Variants in AGBL4 observed in about 807,000 individuals in gnomAD.
AGBL4 encodes AGBL carboxypeptidase 4.
Under a neutral mutation model 66.4 loss-of-function variants are expected in AGBL4, and 58 were observed. The ratio of observed to expected loss-of-function variants is 0.87; its 90% CI spans 0.71 to 1.09. The LOEUF (loss-of-function observed/expected upper bound fraction) is 1.09, where lower values mean the gene tolerates loss of function less well. Among genes scored for constraint, AGBL4 ranks in the 50% least tolerant of loss-of-function variants. The pLI is 0.00. For missense variants in AGBL4, 579 were observed against 631.0 expected (o/e 0.92, Z 0.88); for synonymous variants, 234 against 222.9 (o/e 1.05, Z -0.44).
At chr1:49,739,502 C>A (rs1165987121) in intron 2 of AGBL4, among the ~76,000 whole-genome samples, 1 of 152,180 alleles carries the variant, frequency 6.6e-6, no homozygotes, top group African/African-American at 2.4e-5. Flanking sequence ...TCCAGGAGAA[C>A]TTCCCCAATC....
chr1:48,693,113 T>C lies in AGBL4; in HGVS notation c.635-29872A>G, dbSNP rs1531901. The stretch of plus-strand genomic sequence containing the variant: ...AGAGATACCTACTCATTTCTTTGTA[T>C]ATTCAAAGCTCTTGGTTGCTTTCTT... On this transcript the variant is annotated intron_variant, in intron 6 of 13. Transcript: ENST00000371839. 7.7e-4 allele frequency among the ~76,000 whole-genome samples: 117 copies of C among 152,262 alleles called. 1 individual carries two copies. The South Asian group carries it at 0.023, about 30-fold the overall frequency.
chr1:49,816,479 C>G (rs1645234313), intron 2 of AGBL4, among the ~76,000 whole-genome samples: 1 of 152,084 alleles, frequency 6.6e-6, no homozygotes, highest in South Asian at 2.1e-4. Flanking sequence ...TAGATTTTAT[C>G]CAGCGATTGG....
chr1:49,245,657 T>A, intron 4 of AGBL4, 113 bp downstream of exon 4: 1 of 699,212 alleles, frequency 1.4e-6, no homozygotes, highest in South Asian at 2.3e-5. Context: ...AATTTTCTTT[T>A]AAAAATTTTT....
chr1:49,565,471 CT>C (rs1320988403), intron 3 of AGBL4, among the ~76,000 whole-genome samples: 3 of 152,114 alleles, frequency 2.0e-5, no homozygotes, highest in African/African-American at 7.2e-5. Flanking sequence ...TTAGTGCTTC[CT>C]TCAGGACCTC....
At chr1:49,935,190 A>T (rs1376270194) in intron 1 of AGBL4, among the ~76,000 whole-genome samples, 1 of 152,208 alleles carries the variant, frequency 6.6e-6, no homozygotes, top group Non-Finnish European at 1.5e-5. Flanking sequence ...TATCCCGCAC[A>T]TGGCTCAGAG....
At chr1:49,456,801 A>G (rs1314544478) in intron 3 of AGBL4, among the ~76,000 whole-genome samples, 1 of 151,594 alleles carries the variant, frequency 6.6e-6, no homozygotes, top group Non-Finnish European at 1.5e-5. Context: ...TTAGCTCCCA[A>G]TTATGAGCGA....
At chr1:49,624,091 C>T (rs1355858273) in intron 3 of AGBL4, among the ~76,000 whole-genome samples, 1 of 151,810 alleles carries the variant, frequency 6.6e-6, no homozygotes, top group Non-Finnish European at 1.5e-5. Context: ...AACAACTATA[C>T]TATAAGCATT....
chr1:49,935,184 C>A (rs1047956118), intron 1 of AGBL4, among the ~76,000 whole-genome samples: 2 of 152,232 alleles, frequency 1.3e-5, no homozygotes, highest in African/African-American at 2.4e-5. Flanking sequence ...AGATTATATC[C>A]CGCACATGGC....
At chr1:49,829,208 T>C (rs903692373) in intron 2 of AGBL4, among the ~76,000 whole-genome samples, 34 of 152,072 alleles carry the variant, frequency 2.2e-4, no homozygotes, top group African/African-American at 7.7e-4. Context: ...GACGGATGGA[T>C]GAATGGATGG....
chr1:49,324,825 T>C (rs1358223984), intron 3 of AGBL4, among the ~76,000 whole-genome samples: 1 of 152,190 alleles, frequency 6.6e-6, no homozygotes, highest in East Asian at 1.9e-4. Flanking sequence ...TTAGTATCTA[T>C]ATATATATCC....
chr1:48,749,575 C>A (rs1271416995), intron 6 of AGBL4, among the ~76,000 whole-genome samples: 1 of 152,180 alleles, frequency 6.6e-6, no homozygotes, highest in Admixed American at 6.5e-5. Context: ...CTGTACTTTC[C>A]AGAGCTTCTT....
chr1:49,902,172 C>A (rs1051109882), intron 1 of AGBL4, among the ~76,000 whole-genome samples: 2 of 152,006 alleles, frequency 1.3e-5, no homozygotes, highest in Non-Finnish European at 2.9e-5. Context: ...TGCAACAAAA[C>A]CAAAAATTAA....
intron 4 of AGBL4, among the ~76,000 whole-genome samples, chr1:49,156,237 T>C (rs1306844642): frequency 6.6e-6 from 1 of 152,136 alleles, no homozygotes; most frequent in East Asian, 1.9e-4. Context: ...GAGTAGACAA[T>C]AGATGGGAAA....
At chr1:50,018,418 G>A (rs912951977) in intron 1 of AGBL4, among the ~76,000 whole-genome samples, 1 of 151,996 alleles carries the variant, frequency 6.6e-6, no homozygotes, top group Non-Finnish European at 1.5e-5. Context: ...TTTTAAACTT[G>A]CAATAATTTT....
At chr1:49,738,572 T>G (rs1650109518) in intron 2 of AGBL4, among the ~76,000 whole-genome samples, 1 of 152,184 alleles carries the variant, frequency 6.6e-6, no homozygotes, top group Non-Finnish European at 1.5e-5. Context: ...TCTCCCAGCA[T>G]GCAGCTAGAG....
chr1:49,133,861 T>C (rs1645950781), intron 4 of AGBL4, among the ~76,000 whole-genome samples: 1 of 152,066 alleles, frequency 6.6e-6, no homozygotes, highest in African/African-American at 2.4e-5. Flanking sequence ...TTCTTTCAAA[T>C]AAGTATGTAT....
At chr1:49,078,796 T>G (rs1363005991) in intron 4 of AGBL4, among the ~76,000 whole-genome samples, 3 of 152,176 alleles carry the variant, frequency 2.0e-5, no homozygotes, top group African/African-American at 7.2e-5. Context: ...TTTTTCCCCT[T>G]CACTGCGCAA....
chr1:49,941,091 A>C (rs1324478785), intron 1 of AGBL4, among the ~76,000 whole-genome samples: 2 of 152,146 alleles, frequency 1.3e-5, no homozygotes, highest in Non-Finnish European at 2.9e-5. Flanking sequence ...CCCTAGACAT[A>C]TACAACCTAC....
chr1:48,652,890 G>A (rs945859099), intron 8 of AGBL4, among the ~76,000 whole-genome samples: 1 of 152,082 alleles, frequency 6.6e-6, no homozygotes, highest in Non-Finnish European at 1.5e-5. Flanking sequence ...TTCTCCAAGA[G>A]GAAACACAAC....
Sources: allele counts gnomAD v4.1 joint callset (sites outside exome capture counted in the v4.1 genomes callset), GRCh38; gene constraint gnomAD v4.1.1; transcripts MANE v1.5; gene names NCBI Gene and HGNC (gene_info 2026-07-23, HGNC 2026-07-21).